Variants in TLK1 observed in about 807,000 individuals in gnomAD.
TLK1 encodes the protein tousled like kinase 1.
TLK1 carries 24 observed loss-of-function variants against 105.3 expected under a neutral mutation model. The observed-to-expected ratio is 0.23, with a 90% CI of 0.17 to 0.32. The LOEUF is 0.32. Among genes scored for constraint, TLK1 ranks in the 10% least tolerant of loss-of-function variants. The pLI is 1.00. For missense variants in TLK1, 558 were observed against 910.5 expected, an observed-to-expected ratio of 0.61 and a Z score of 4.98; for synonymous variants, 321 against 310.4, an observed-to-expected ratio of 1.03 and a Z score of -0.36.
chr2:171,127,692 A>T (rs1022076088), intron 1 of TLK1, among the ~76,000 whole-genome samples: 3 of 152,044 alleles, frequency 2.0e-5, no homozygotes, highest in African/African-American at 4.8e-5. Context: ...TATATATCTA[A>T]TTTTTTTCCA....
intron 12 of TLK1, among the ~76,000 whole-genome samples, chr2:171,016,110 T>C (rs929140510): frequency 2.7e-5 from 4 of 149,834 alleles, no homozygotes; most frequent in African/African-American, 9.8e-5. Flanking sequence ...CCGCCGTCAA[T>C]AAAAAAAAAG....
At position 171,095,312 on chromosome 2, in the gene TLK1, GA is replaced by G. The variant is rs1013038726; in HGVS notation, c.259-12461del. 5.4e-5 allele frequency among the ~76,000 whole-genome samples: 8 copies of G among 148,028 alleles called. 1 individual carries two copies. Among genetic ancestry groups the G allele is most frequent in the Admixed American group, 1.4e-4 (2 of 14,814 alleles). ...TGAAATAGAGAATAGAAAAACAATAGAAAAAAAAACAATGAAACCAAAAGTT... is the reference window on the plus strand; with the variant it reads ...TGAAATAGAGAATAGAAAAACAATAGAAAAAAAACAATGAAACCAAAAGTT... On this transcript the variant is annotated intron_variant, in intron 2 of 20. Transcript: ENST00000431350.
chr2:171,060,052 G>GA lies in TLK1; in HGVS notation c.406+1028dup, dbSNP rs549515219. The GA allele has an allele frequency of 2.1e-5, 33 of 1,594,848 alleles. No homozygotes were observed. The Admixed American group carries it at 4.4e-4, about 21-fold the overall frequency. ...TCAAGTTTACTCCAAAGGAAGGGGG[G>GA]AAAAAACACTGAAAGCCAGACTAAA... is the stretch of plus-strand genomic sequence containing the variant. On this transcript the variant is annotated intron_variant, in intron 4 of 20. Coordinates refer to ENST00000431350, the MANE Select transcript of TLK1 (RefSeq NM_012290.5).
At chr2:171,047,541 G>C (rs1687018781) in intron 10 of TLK1, among the ~76,000 whole-genome samples, 1 of 152,100 alleles carries the variant, frequency 6.6e-6, no homozygotes, top group African/African-American at 2.4e-5. Context: ...GAAGAATCTA[G>C]GTAGAAGATT....
intron 3 of TLK1, among the ~76,000 whole-genome samples, chr2:171,076,278 G>C (rs900399084): frequency 6.6e-6 from 1 of 151,960 alleles, no homozygotes; most frequent in Admixed American, 6.6e-5. Flanking sequence ...CATTATTGTG[G>C]GGATGGGTTC....
chr2:171,157,862 A>G (rs560512277), intron 1 of TLK1, among the ~76,000 whole-genome samples: 8 of 152,358 alleles, frequency 5.3e-5, no homozygotes, highest in Admixed American at 6.5e-5. Context: ...TTCTATTACT[A>G]TATGTTAAAC....
At chr2:171,117,396 T>C (rs1021251352) in intron 2 of TLK1, among the ~76,000 whole-genome samples, 6 of 152,126 alleles carry the variant, frequency 3.9e-5, no homozygotes, top group African/African-American at 9.7e-5. Context: ...GCCTAAAAGA[T>C]ATACACTATT....
intron 11 of TLK1, among the ~76,000 whole-genome samples, chr2:171,043,155 G>C (rs921346294): frequency 6.6e-6 from 1 of 152,204 alleles, no homozygotes; most frequent in African/African-American, 2.4e-5. Flanking sequence ...CAGATTCCTA[G>C]TGTCATCACC....
upstream of TLK1, among the ~76,000 whole-genome samples, chr2:171,164,649 C>T (rs1396676097): frequency 3.9e-5 from 6 of 152,006 alleles, no homozygotes; most frequent in Admixed American, 1.3e-4. Context: ...TCAATAAATA[C>T]GTTTTAAGTA....
chr2:171,143,489 G>A (rs375050150), intron 1 of TLK1, among the ~76,000 whole-genome samples: 1 of 99,582 alleles, frequency 1.0e-5, no homozygotes, highest in Non-Finnish European at 1.8e-5. Context: ...CTGGGCAGAA[G>A]AGTGGGACTC....
At chr2:171,028,174 T>C (rs1685869581) in intron 12 of TLK1, among the ~76,000 whole-genome samples, 165 bp downstream of exon 12, 1 of 152,072 alleles carries the variant, frequency 6.6e-6, no homozygotes, top group Non-Finnish European at 1.5e-5. Context: ...AAAATACTAA[T>C]AAATAAAATA....
rs141243500 is a variant in TLK1 at position 171,025,549 on chromosome 2, A to T, written c.1236+2790T>A. On this transcript the variant is annotated intron_variant, in intron 12 of 20. Coordinates refer to ENST00000431350, the MANE Select transcript of TLK1 (RefSeq NM_012290.5). ...ACTGGTTATATTTCCTGTGCAGGAT[A>T]CAAGGGGCGTCAAATATTCAGATCC... Among the ~76,000 whole-genome samples the T allele has an allele frequency of 4.9e-3, 739 of 152,318 alleles. 6 individuals are homozygous for T. Among genetic ancestry groups the T allele is most frequent in the African/African-American group, 0.017 (687 of 41,576 alleles).
At chr2:171,069,909 G>A (rs1422849149) in intron 3 of TLK1, among the ~76,000 whole-genome samples, 2 of 152,182 alleles carry the variant, frequency 1.3e-5, no homozygotes, top group Admixed American at 6.5e-5. Flanking sequence ...TTAAAGAGCA[G>A]TCCCTGAGAC....
At chr2:171,124,654 A>C (rs1009593195) in intron 1 of TLK1, among the ~76,000 whole-genome samples, 8 of 152,238 alleles carry the variant, frequency 5.3e-5, no homozygotes, top group Admixed American at 4.6e-4. Context: ...GAATAACCAT[A>C]AACTATGAAC....
chr2:171,160,850 C>CGGT lies in TLK1; in HGVS notation c.-423_-422insACC. 1 of 317,336 alleles carries CGGT rather than the reference C, an allele frequency of 3.2e-6. No individual in the cohort carries two copies. Among genetic ancestry groups the CGGT allele is most frequent in the East Asian group, 5.5e-5 (1 of 18,296 alleles). The allele number at this position is 317,336 out of a possible 1,614,324, so 19.7% of individuals were successfully genotyped here. ...CCCGGCGTCGCCCGGGAGGCGGCGGCGGCGGGCTGTGGGTGGCGGCTGAGG... is the reference window on the plus strand; with the variant it reads ...CCCGGCGTCGCCCGGGAGGCGGCGGCGGTGGCGGGCTGTGGGTGGCGGCTGAGG... On this transcript the variant is annotated 5_prime_UTR_variant, in exon 1 of 21. Coordinates refer to ENST00000431350, the MANE Select transcript of TLK1 (RefSeq NM_012290.5). The surrounding 1 kb of genome is among the most constrained non-coding windows in gnomAD (Gnocchi z 4.4).
chr2:171,061,292 TAC>T (rs1687736670), intron 3 of TLK1, 136 bp from the exon 4 acceptor site: 3 of 649,070 alleles, frequency 4.6e-6, no homozygotes, highest in South Asian at 2.3e-5. Flanking sequence ...TACTGTTATT[TAC>T]ACACAATTTA....
intron 2 of TLK1, among the ~76,000 whole-genome samples, chr2:171,088,893 T>C (rs1689099179): frequency 6.6e-6 from 1 of 152,228 alleles, no homozygotes; most frequent in South Asian, 2.1e-4. Flanking sequence ...AGATATGGGA[T>C]ACATGAAATA....
Position 171,006,510 on chromosome 2 carries a change from T to G in TLK1, c.1732A>C (p.Ile578Leu). 1 of 1,612,208 alleles carries G rather than the reference T, an allele frequency of 6.2e-7. No homozygotes were observed. The highest frequency in any genetic ancestry group is 8.5e-7 in the Non-Finnish European group (1 of 1,179,388). Residue 578 changes from isoleucine to leucine, a missense_variant, in exon 17 of 21, where the codon ATC (isoleucine) becomes CTC (leucine). By Grantham distance (5) the Ile-to-Leu change is conservative. Coordinates refer to ENST00000431350, the MANE Select transcript of TLK1 (RefSeq NM_012290.5). ...TCATAATGTATAATAGGGGGTTTGA[T>G]CTCATTGAGATATCTTAGTGCATTT... ...IVNALRYLNE[I>L]KPPIIHYDLK...
intron 12 of TLK1, among the ~76,000 whole-genome samples, chr2:171,019,427 A>G (rs1170633891): frequency 6.6e-6 from 1 of 152,226 alleles, no homozygotes; most frequent in African/African-American, 2.4e-5. Context: ...TTCAAAAGGC[A>G]ATTATTAAAA....
Sources: allele counts gnomAD v4.1 joint callset (sites outside exome capture counted in the v4.1 genomes callset), GRCh38; gene constraint gnomAD v4.1.1; non-coding constraint Gnocchi (gnomAD v3.1); transcripts MANE v1.5; gene names NCBI Gene and HGNC (gene_info 2026-07-23, HGNC 2026-07-21).